The following NME8 variants were observed in gnomAD, a reference collection of about 807,000 sequenced individuals.
NME8 encodes the protein NME/NM23 family member 8, also known as protein NME8.
In NME8, 72 loss-of-function variants were observed where a neutral mutation model predicts 82.3. The ratio of observed to expected loss-of-function variants is 0.87; its 90% confidence interval spans 0.72 to 1.06. NME8 has a LOEUF of 1.06. Among genes scored for constraint, NME8 ranks in the 50% least tolerant of loss-of-function variants. The pLI is 0.00. For synonymous variants in NME8, 267 were observed against 228.5 expected (o/e 1.17, Z -1.52); for missense variants, 712 against 685.4 (o/e 1.04, Z -0.43).
Position 37,863,409 on chromosome 7 carries a change from C to T in NME8, c.401C>T (p.Pro134Leu), listed in dbSNP as rs369201077. 2.6e-5 allele frequency: 42 copies of T among 1,586,682 alleles called. No homozygotes were observed. In the Admixed American group the frequency reaches 6.8e-4, roughly 26 times the overall value. The change falls in exon 8 of 18, where the codon CCA becomes CTA. Residue 134 changes from proline to leucine, a missense_variant. Transcript: ENST00000199447. ...EMARPQYPEI[P>L]LVDSDSEVSE... ...TCTTTTTCATAGTATCCTGAAATTC[C>T]ATTAGTAGACTCAGATTCAGAAGTT...
intron 11 of NME8, among the ~76,000 whole-genome samples, chr7:37,868,368 G>A (rs553622595): frequency 2.0e-5 from 3 of 152,276 alleles, no homozygotes; most frequent in Admixed American, 6.5e-5. Flanking sequence ...AGCAAGGGTT[G>A]CACAATGAGT....
intron 5 of NME8, among the ~76,000 whole-genome samples, chr7:37,856,696 A>G (rs1279324541): frequency 6.6e-6 from 1 of 152,236 alleles, no homozygotes; most frequent in Non-Finnish European, 1.5e-5. Flanking sequence ...AAAATTCAAA[A>G]TCTTTAAAAG....
At chr7:37,852,109 C>CTT (rs36112844) in intron 5 of NME8, among the ~76,000 whole-genome samples, 5 of 146,088 alleles carry the variant, frequency 3.4e-5, no homozygotes, top group African/African-American at 1.0e-4. Context: ...AAGGAATTGA[C>CTT]TTTTTTTTTT....
chr7:37,880,507 T>C (rs183269278), intron 12 of NME8, among the ~76,000 whole-genome samples: 1 of 152,336 alleles, frequency 6.6e-6, no homozygotes, highest in East Asian at 1.9e-4. Flanking sequence ...CAATTGACTA[T>C]GTTTGTGTGG....
At chr7:37,854,882 T>A (rs1193086419) in intron 5 of NME8, among the ~76,000 whole-genome samples, 1 of 152,204 alleles carries the variant, frequency 6.6e-6, no homozygotes, top group Admixed American at 6.6e-5. Context: ...CATGAAGTCA[T>A]GCACAACATC....
chr7:37,889,599 T>A (rs1336066284), intron 15 of NME8, among the ~76,000 whole-genome samples: 1 of 151,990 alleles, frequency 6.6e-6, no homozygotes, highest in East Asian at 1.9e-4. Flanking sequence ...TTTGTAATTT[T>A]GGTTTGTATT....
intron 5 of NME8, among the ~76,000 whole-genome samples, chr7:37,853,357 A>C (rs146991609): frequency 6.6e-6 from 1 of 152,308 alleles, no homozygotes; most frequent in Non-Finnish European, 1.5e-5. Flanking sequence ...AATCACAACC[A>C]CCAGAAAGGA....
chr7:37,850,652 T>C lies in NME8; in HGVS notation c.115T>C (p.Cys39Arg). ...AGTGATTGATGTTTACCAAGCCTGGTGTGGACCTTGCAGAGCAATGCAACC... is the reference window on the plus strand; with the variant it reads ...AGTGATTGATGTTTACCAAGCCTGGCGTGGACCTTGCAGAGCAATGCAACC... ...LTVIDVYQAW[C>R]GPCRAMQPLF... Residue 39 changes from cysteine (C) to arginine (R), a missense_variant, in exon 5 of 18, where the codon TGT becomes CGT. By Grantham distance (180) the Cys-to-Arg change is radical. Transcript: ENST00000199447. The C allele has an allele frequency of 6.2e-7, 1 of 1,612,304 alleles. No individual in the cohort carries two copies. Among genetic ancestry groups the C allele is most frequent in the Non-Finnish European group, 8.5e-7 (1 of 1,178,296 alleles).
In NME8 at chr7:37,861,888, C is replaced by T. The variant is rs17235118; in HGVS notation, c.271-140C>T. ...ACAGTATTAAGACCTTACTGTAAAA[C>T]GTTAATTACCATAGCTAAAAGAGGA... On this transcript the variant is annotated intron_variant, in intron 6 of 17. Transcript: ENST00000199447. 50,087 of 748,686 alleles carry T rather than the reference C, an allele frequency of 0.067. 2,515 individuals carry two copies. The highest frequency in any genetic ancestry group is 0.2 in the Admixed American group (11,038 of 54,988). 46.4% of individuals were successfully genotyped at this position (748,686 alleles called of 1,614,324 possible).
intron 14 of NME8, among the ~76,000 whole-genome samples, chr7:37,887,785 C>A (rs937433634): frequency 7.2e-5 from 11 of 152,126 alleles, no homozygotes; most frequent in Admixed American, 3.3e-4. Context: ...GCAGAAGGTA[C>A]CTCTTCACAG....
chr7:37,861,898 C>T (rs1442161257), intron 6 of NME8, 130 bp from the exon 7 acceptor site: 1 of 767,452 alleles, frequency 1.3e-6, no homozygotes, highest in African/African-American at 1.7e-5. Flanking sequence ...CGTTAATTAC[C>T]ATAGCTAAAA....
In NME8 at chr7:37,896,737, A is replaced by G; in HGVS notation, c.1545-133A>G. On this transcript the variant is annotated intron_variant, in intron 16 of 17. Coordinates refer to ENST00000199447, the MANE Select transcript of NME8 (RefSeq NM_016616.5). ...GGGAGAAATGAAAAAAAGAAAGTAC[A>G]TGATTGCACTGATAAGGACAAAGAA... is the stretch of plus-strand genomic sequence containing the variant. The G allele has an allele frequency of 6.7e-6, 5 of 750,578 alleles. No homozygotes were observed. The Admixed American group carries it at 8.3e-5, about 12-fold the overall frequency. 46.5% of individuals were successfully genotyped at this position (750,578 alleles called of 1,614,324 possible).
At chr7:37,862,199 T>C (rs1294442117) in intron 7 of NME8, 55 bp downstream of exon 7, 1 of 1,175,274 alleles carries the variant, frequency 8.5e-7, no homozygotes, top group Admixed American at 1.7e-5. Context: ...TAGAGTGAAA[T>C]AGAACAAAAT....
chr7:37,890,410 C>A (rs529136750), intron 15 of NME8, among the ~76,000 whole-genome samples: 14 of 151,878 alleles, frequency 9.2e-5, no homozygotes, highest in Non-Finnish European at 2.1e-4. Flanking sequence ...TATAGCATAC[C>A]CATTACTTCA....
intron 6 of NME8, among the ~76,000 whole-genome samples, chr7:37,860,073 G>A (rs1193243998): frequency 1.3e-5 from 2 of 152,160 alleles, no homozygotes; most frequent in Non-Finnish European, 2.9e-5. Flanking sequence ...TCACAGAATT[G>A]TTGAAAGATA....
intron 15 of NME8, among the ~76,000 whole-genome samples, chr7:37,890,556 T>A (rs376992155): frequency 1.1e-4 from 16 of 152,060 alleles, no homozygotes; most frequent in African/African-American, 3.9e-4. Flanking sequence ...CATAGACTTA[T>A]CTCTCCCTAT....
intron 3 of NME8, 22 bp downstream of exon 3, chr7:37,850,321 T>A (rs1206794784): frequency 1.2e-6 from 2 of 1,614,100 alleles, no homozygotes; most frequent in South Asian, 2.2e-5. Flanking sequence ...ATATCAACAA[T>A]TCTTTATCTG....
chr7:37,858,898 G>A (rs1312858498), intron 6 of NME8, among the ~76,000 whole-genome samples: 1 of 152,142 alleles, frequency 6.6e-6, no homozygotes, highest in African/African-American at 2.4e-5. Context: ...ACAGTAATGA[G>A]TGAGTTCTCC....
At position 37,897,112 on chromosome 7, in the gene NME8, G is replaced by A. The variant is rs550304334; in HGVS notation, c.*15+5G>A. 2.9e-5 allele frequency: 42 copies of A among 1,473,034 alleles called. No homozygotes were observed. In the South Asian group the frequency reaches 3.1e-4, roughly 11 times the overall value. 91.2% of individuals were successfully genotyped at this position (1,473,034 alleles called of 1,614,324 possible). On this transcript the variant is annotated splice_donor_5th_base_variant and intron_variant, in intron 17 of 17. Transcript: ENST00000199447. ...AACTAAAGTATATACTGTGAAGTAC[G>A]TACCTGTTTAATTATTATTTTATTT...
Sources: allele counts gnomAD v4.1 joint callset (sites outside exome capture counted in the v4.1 genomes callset), GRCh38; gene constraint gnomAD v4.1.1; transcripts MANE v1.5; gene names NCBI Gene and HGNC (gene_info 2026-07-23, HGNC 2026-07-21).